The following MYOM2 variants were observed in gnomAD, a reference collection of about 807,000 sequenced individuals.
The protein encoded by MYOM2 is myomesin 2, also known as myomesin-2.
A neutral mutation model predicts 187.6 loss-of-function variants in MYOM2; 254 were observed. The observed-to-expected ratio is 1.35, with a 90% CI of 1.22 to 1.50. The LOEUF (loss-of-function observed/expected upper bound fraction) is 1.50. Among genes scored for constraint, MYOM2 ranks in the 40% most tolerant of loss-of-function variants. MYOM2 has a pLI of 0.00. For missense variants in MYOM2, 2,796 were observed against 1,924.0 expected (o/e 1.45, Z -8.48); for synonymous variants, 981 against 753.8 (o/e 1.30, Z -4.94).
rs1341569113 is a variant in MYOM2 at position 2,085,708 on chromosome 8, C to T, written c.1644+318C>T. Among the ~76,000 whole-genome samples, 17 of 9,180 alleles carry T rather than the reference C, an allele frequency of 1.9e-3. 1 individual carries two copies. Among genetic ancestry groups the T allele is most frequent in the Non-Finnish European group, 2.7e-3 (14 of 5,110 alleles). The allele number at this position is 9,180 out of a possible 152,430, so 6.0% of individuals were successfully genotyped here. A position where few individuals can be genotyped will look rare whatever the true frequency, so the allele number is the denominator to read the frequency against. ...TGATCTCTGCGTGGCCCCCCACTGTCGTGATCTCTTTGTGGCCCCCCACTG... is the reference window on the plus strand; with the variant it reads ...TGATCTCTGCGTGGCCCCCCACTGTTGTGATCTCTTTGTGGCCCCCCACTG... On this transcript the variant is annotated intron_variant, in intron 14 of 36. Transcript: ENST00000262113.
intron 16 of MYOM2, among the ~76,000 whole-genome samples, chr8:2,093,764 C>G (rs921615104): frequency 2.0e-5 from 3 of 152,208 alleles, no homozygotes; most frequent in African/African-American, 4.8e-5. Context: ...GCTTTGGCAC[C>G]ACGTGTAGTC....
chr8:2,058,207 T>C (rs544913659), intron 5 of MYOM2, among the ~76,000 whole-genome samples: 1 of 151,956 alleles, frequency 6.6e-6, no homozygotes, highest in African/African-American at 2.4e-5. Context: ...TTAGTAGAGA[T>C]GGGGTTTCAC....
At position 2,086,369 on chromosome 8, in the gene MYOM2, T is replaced by TGTGATCTCTGCGTGGCCCCCCACAGTC. The variant is rs1796051293; in HGVS notation, c.1644+996_1644+997insCCCCACAGTCGTGATCTCTGCGTGGCC. ...TGATCTCTGCGTGGCCTCCCACTGT[T>TGTGATCTCTGCGTGGCCCCCCACAGTC]GTGATCTCTGCGTGGCCTCCCACTG... is the stretch of plus-strand genomic sequence containing the variant. On this transcript the variant is annotated intron_variant, in intron 14 of 36. Coordinates refer to ENST00000262113, the MANE Select transcript of MYOM2 (RefSeq NM_003970.4). Among the ~76,000 whole-genome samples, 2 of 3,474 alleles carry TGTGATCTCTGCGTGGCCCCCCACAGTC rather than the reference T, an allele frequency of 5.8e-4. 1 individual carries two copies. The highest frequency in any genetic ancestry group is 1.3e-3 in the Non-Finnish European group (2 of 1,504). The allele number at this position is 3,474 out of a possible 152,430, so 2.3% of individuals were successfully genotyped here.
chr8:2,136,599 G>A (rs983888928), intron 32 of MYOM2, among the ~76,000 whole-genome samples: 3 of 152,156 alleles, frequency 2.0e-5, no homozygotes, highest in South Asian at 2.1e-4. Flanking sequence ...GCCTAGGGCC[G>A]TCAGCATGAG....
In MYOM2 at chr8:2,076,887, G is replaced by A. The variant is rs186182909; in HGVS notation, c.1262+605G>A. Among the ~76,000 whole-genome samples the A allele has an allele frequency of 7.2e-5, 11 of 152,324 alleles. No homozygotes were observed. In the East Asian group the frequency reaches 2.1e-3, roughly 29 times the overall value. On this transcript the variant is annotated intron_variant, in intron 11 of 36. Transcript: ENST00000262113. ...TCCCGTACTGGGGACAGCGCTTGGA[G>A]CCTGGGAAGTGTACTGCACAGAGCC...
At chr8:2,127,528 G>A (rs984643055) in intron 31 of MYOM2, among the ~76,000 whole-genome samples, 1 of 152,372 alleles carries the variant, frequency 6.6e-6, no homozygotes, top group African/African-American at 2.4e-5. Context: ...TTCCTCCTTT[G>A]CAGTGGACTA....
At chr8:2,092,605 A>G in intron 16 of MYOM2, 85 bp downstream of exon 16, 1 of 1,407,506 alleles carries the variant, frequency 7.1e-7, no homozygotes, top group Non-Finnish European at 9.6e-7. Context: ...CACAGGGAGT[A>G]CCATGGCCGC....
At position 2,069,478 on chromosome 8, in the gene MYOM2, G is replaced by A. The variant is rs1222207739; in HGVS notation, c.774G>A (p.Ser258=). Reference sequence around the variant, plus strand: ...GGGGAGACGAGGAACCATTCCGTTCGGTGGGACTCCCGATTGGATGTAAGT... The same window carrying A: ...GGGGAGACGAGGAACCATTCCGTTCAGTGGGACTCCCGATTGGATGTAAGT... ...RFRGDEEPFR[S]VGLPIGLPLS... The change falls in exon 8 of 37, where the codon TCG becomes TCA. Residue 258 remains serine (S), a synonymous_variant. Transcript: ENST00000262113. 9 of 1,614,086 alleles carry A rather than the reference G, an allele frequency of 5.6e-6. No individual in the cohort carries two copies. The highest frequency in any genetic ancestry group is 1.3e-5 in the African/African-American group (1 of 74,916).
intron 1 of MYOM2, among the ~76,000 whole-genome samples, chr8:2,046,171 A>G (rs1314674505): frequency 6.6e-6 from 1 of 152,202 alleles, no homozygotes; most frequent in Admixed American, 6.5e-5. Context: ...CTGTACAAAC[A>G]ATTTCCTTCA....
chr8:2,098,843 C>G lies in MYOM2; in HGVS notation c.2314-14C>G, dbSNP rs370164327. 73 of 1,602,934 alleles carry G rather than the reference C, an allele frequency of 4.6e-5. No individual in the cohort carries two copies. The highest frequency in any genetic ancestry group is 5.9e-5 in the Non-Finnish European group (69 of 1,171,796). On this transcript the variant is annotated splice_polypyrimidine_tract_variant and intron_variant, in intron 18 of 36. Transcript: ENST00000262113. ...CCTTTATCTCATGTATTAATTTAAA[C>G]AAAATCTGAATAGGTGGACGGCTTG...
intron 14 of MYOM2, 78 bp downstream of exon 14, chr8:2,085,468 G>GCTGTCGTGATCTCCGTGTGGCCCCTCA: frequency 7.1e-7 from 1 of 1,416,054 alleles, no homozygotes; most frequent in Non-Finnish European, 9.4e-7. Flanking sequence ...GTGGCCCACC[G>GCTGTCGTGATCTCCGTGTGGCCCCTCA]CTGTCGTGAT....
intron 13 of MYOM2, among the ~76,000 whole-genome samples, chr8:2,080,029 T>C (rs6558595): frequency 0.31 from 47,700 of 152,152 alleles, 7,784 homozygotes; most frequent in East Asian, 0.4. Flanking sequence ...TTAACTGAAA[T>C]GGATTGAGTC....
At chr8:2,077,045 C>T (rs1222412155) in intron 11 of MYOM2, among the ~76,000 whole-genome samples, 3 of 152,322 alleles carry the variant, frequency 2.0e-5, no homozygotes, top group Middle Eastern at 3.4e-3. Flanking sequence ...GGCACGGTGG[C>T]TCACGCCTGT....
chr8:2,093,590 C>T (rs1405093751), intron 16 of MYOM2, among the ~76,000 whole-genome samples: 7 of 152,218 alleles, frequency 4.6e-5, no homozygotes, highest in Admixed American at 4.6e-4. Context: ...GTCCATCTGA[C>T]TTCCAAGTCT....
Position 2,076,140 on chromosome 8 carries a change from G to A in MYOM2, c.1121-1G>A, listed in dbSNP as rs764959181. On this transcript the variant is annotated splice_acceptor_variant, in intron 10 of 36. Coordinates refer to ENST00000262113, the MANE Select transcript of MYOM2 (RefSeq NM_003970.4). LOFTEE classifies it high-confidence loss of function. ...TGTGCCTTTTCTCTCCCTGCCCCAA[G>A]ATGCTGACCCGCTGGTCACAGGGGC... The A allele has an allele frequency of 1.2e-6, 2 of 1,611,076 alleles. No individual in the cohort carries two copies. The highest frequency in any genetic ancestry group is 1.7e-6 in the Non-Finnish European group (2 of 1,179,232).
chr8:2,053,357 G>T (rs1244621513), intron 3 of MYOM2, among the ~76,000 whole-genome samples: 3 of 152,220 alleles, frequency 2.0e-5, no homozygotes, highest in Non-Finnish European at 4.4e-5. Context: ...TCTTTGAAAT[G>T]TAGATGTTAA....
At chr8:2,053,494 A>G (rs894074650) in intron 3 of MYOM2, among the ~76,000 whole-genome samples, 2 of 152,208 alleles carry the variant, frequency 1.3e-5, no homozygotes, top group Non-Finnish European at 1.5e-5. Context: ...GTGAACTTGA[A>G]CATATTGCAT....
chr8:2,131,469 G>C (rs1404060673), intron 32 of MYOM2, among the ~76,000 whole-genome samples: 1 of 151,654 alleles, frequency 6.6e-6, no homozygotes, highest in Non-Finnish European at 1.5e-5. Flanking sequence ...GGCAGATCGG[G>C]GCACAGCTCA....
At chr8:2,061,056 G>A (rs1818836617) in intron 6 of MYOM2, among the ~76,000 whole-genome samples, 1 of 152,144 alleles carries the variant, frequency 6.6e-6, no homozygotes, top group South Asian at 2.1e-4. Flanking sequence ...GAGGGCTGAG[G>A]AGCCCATCTG....
Sources: gnomAD v4.1 joint callset for allele counts (sites outside exome capture counted in the v4.1 genomes callset) on GRCh38, gnomAD v4.1.1 for gene constraint, MANE v1.5 for transcripts, NCBI Gene and HGNC (gene_info 2026-07-23, HGNC 2026-07-21) for gene names.